The following DUSP16 variants were observed in gnomAD, a reference collection of about 807,000 sequenced individuals.
DUSP16 encodes the protein dual specificity phosphatase 16.
In DUSP16, 21 loss-of-function variants were observed where a neutral mutation model predicts 58.3. The observed-to-expected ratio is 0.36, with a 90% CI of 0.26 to 0.52. DUSP16 has a LOEUF of 0.52. Among genes scored for constraint, DUSP16 ranks in the 20% least tolerant of loss-of-function variants. The pLI is 0.94. For missense variants in DUSP16, 726 were observed against 819.0 expected (o/e 0.89, Z 1.39); for synonymous variants, 320 against 323.8 (o/e 0.99, Z 0.12).
chr12:12,537,915 A>AAT lies in DUSP16; in HGVS notation c.-365-16454_-365-16453dup, dbSNP rs149189605. 2.2e-3 allele frequency among the ~76,000 whole-genome samples: 332 copies of AAT among 151,510 alleles called. 1 individual carries two copies. The highest frequency in any genetic ancestry group is 2.5e-3 in the Non-Finnish European group (169 of 67,798). On this transcript the variant is annotated intron_variant, in intron 1 of 6. Transcript: ENST00000298573. The stretch of plus-strand genomic sequence containing the variant: ...GGAAAAAAATTAAATGAGTTAGTAG[A>AAT]ATATATATATATATGTTCATTTATC...
At chr12:12,520,484 T>C (rs1361977117) in intron 2 of DUSP16, among the ~76,000 whole-genome samples, 1 of 152,212 alleles carries the variant, frequency 6.6e-6, no homozygotes, top group Admixed American at 6.5e-5. Flanking sequence ...TCTTGACCAA[T>C]GTTACCACAT....
intron 3 of DUSP16, among the ~76,000 whole-genome samples, chr12:12,515,556 A>C (rs1383226122): frequency 6.6e-6 from 1 of 151,810 alleles, no homozygotes; most frequent in Non-Finnish European, 1.5e-5. Flanking sequence ...ACGAACTCCC[A>C]ACCTCAGGTG....
chr12:12,505,300 G>A (rs536062676), intron 3 of DUSP16, among the ~76,000 whole-genome samples: 3 of 152,292 alleles, frequency 2.0e-5, no homozygotes, highest in South Asian at 2.1e-4. Flanking sequence ...CTCCCCAGCT[G>A]TGACCAGGCT....
intron 6 of DUSP16, among the ~76,000 whole-genome samples, chr12:12,478,336 C>CTT (rs541835613): frequency 2.8e-4 from 40 of 144,344 alleles, no homozygotes; most frequent in African/African-American, 7.9e-4. Context: ...TGGTGGTGGT[C>CTT]TTTTTTTTTT....
At chr12:12,503,671 G>A (rs528415054) in intron 3 of DUSP16, among the ~76,000 whole-genome samples, 4 of 152,296 alleles carry the variant, frequency 2.6e-5, no homozygotes, top group African/African-American at 7.2e-5. Flanking sequence ...CCTGCAAGAA[G>A]CTGACAGACA....
At chr12:12,541,749 C>T (rs1187226547) in intron 1 of DUSP16, among the ~76,000 whole-genome samples, 4 of 152,146 alleles carry the variant, frequency 2.6e-5, no homozygotes. Flanking sequence ...ATATAACATC[C>T]AGATTAAAAT....
At chr12:12,518,512 C>CAAAAAAAA (rs879763438) in intron 3 of DUSP16, among the ~76,000 whole-genome samples, 3 of 120,412 alleles carry the variant, frequency 2.5e-5, no homozygotes, top group African/African-American at 9.2e-5. Flanking sequence ...AATTCTGTCT[C>CAAAAAAAA]AAAAAAAAAA....
chr12:12,500,707 T>A, intron 3 of DUSP16, 25 bp from the exon 4 acceptor site: 1 of 1,510,246 alleles, frequency 6.6e-7, no homozygotes, highest in South Asian at 1.3e-5. Context: ...TATAAAATTA[T>A]AAAAAATTAT....
chr12:12,522,030 C>T (rs533557717), intron 1 of DUSP16, among the ~76,000 whole-genome samples: 6 of 152,266 alleles, frequency 3.9e-5, no homozygotes, highest in East Asian at 1.9e-4. Flanking sequence ...ATTGCCCTCA[C>T]GGAGGAGAGA....
At chr12:12,541,536 C>G (rs1443951530) in intron 1 of DUSP16, among the ~76,000 whole-genome samples, 1 of 152,200 alleles carries the variant, frequency 6.6e-6, no homozygotes, top group Non-Finnish European at 1.5e-5. Flanking sequence ...CATAAATTCT[C>G]AGGAGTTGGT....
intron 3 of DUSP16, among the ~76,000 whole-genome samples, chr12:12,518,491 C>T (rs1045126357): frequency 1.8e-4 from 27 of 149,636 alleles, no homozygotes; most frequent in Non-Finnish European, 3.5e-4. Flanking sequence ...CTAGCCTGGG[C>T]GACAGGGCAA....
intron 6 of DUSP16, among the ~76,000 whole-genome samples, chr12:12,479,257 T>G (rs182177929): frequency 6.7e-6 from 1 of 148,466 alleles, no homozygotes; most frequent in African/African-American, 2.5e-5. Context: ...ACTGAAAATT[T>G]GCATTTGAAT....
At chr12:12,487,333 C>T in intron 4 of DUSP16, 146 bp from the exon 5 acceptor site, 1 of 857,126 alleles carries the variant, frequency 1.2e-6, no homozygotes, top group Non-Finnish European at 1.7e-6. Flanking sequence ...AAAAACCTAG[C>T]AAAATGACAT....
chr12:12,545,993 A>G (rs902309441), intron 1 of DUSP16, among the ~76,000 whole-genome samples: 3 of 152,242 alleles, frequency 2.0e-5, no homozygotes, highest in African/African-American at 7.2e-5. Flanking sequence ...ATGGAAAAGA[A>G]CTTGTTATAA....
intron 1 of DUSP16, among the ~76,000 whole-genome samples, chr12:12,558,500 G>A: frequency 6.6e-6 from 1 of 151,772 alleles, no homozygotes; most frequent in East Asian, 1.9e-4. Flanking sequence ...TCCCACTTCA[G>A]CCTCCAAAGT....
chr12:12,488,363 A>AT (rs1156240636), intron 4 of DUSP16, among the ~76,000 whole-genome samples: 3 of 152,188 alleles, frequency 2.0e-5, no homozygotes, highest in Non-Finnish European at 4.4e-5. Flanking sequence ...AGCACCTACC[A>AT]TAGTGTGTTA....
chr12:12,557,282 C>T (rs1180702691), intron 1 of DUSP16, among the ~76,000 whole-genome samples: 3 of 151,778 alleles, frequency 2.0e-5, no homozygotes, highest in Non-Finnish European at 2.9e-5. Flanking sequence ...GGTGAAACCC[C>T]GTCTCTACTA....
intron 1 of DUSP16, among the ~76,000 whole-genome samples, chr12:12,540,280 T>C (rs1335463495): frequency 6.6e-6 from 1 of 151,936 alleles, no homozygotes; most frequent in African/African-American, 2.4e-5. Context: ...TGCAGTGAGC[T>C]ATGATTGCCA....
At chr12:12,530,325 G>C (rs968780569) in intron 1 of DUSP16, among the ~76,000 whole-genome samples, 3 of 152,052 alleles carry the variant, frequency 2.0e-5, no homozygotes, top group African/African-American at 7.2e-5. Context: ...AAAAATGTCA[G>C]GTCTTTCACC....
Sources: allele counts gnomAD v4.1 joint callset (sites outside exome capture counted in the v4.1 genomes callset), GRCh38; gene constraint gnomAD v4.1.1; transcripts MANE v1.5; gene names NCBI Gene and HGNC (gene_info 2026-07-23, HGNC 2026-07-21).